Variants in MOB1B observed in about 807,000 individuals in gnomAD.
The protein encoded by MOB1B is MOB kinase activator 1B.
Under a neutral mutation model 24.4 loss-of-function variants are expected in MOB1B, and 19 were observed. That is an observed-to-expected ratio of 0.78 (90% CI 0.54 to 1.14). The LOEUF is 1.14. Ranked by LOEUF, MOB1B falls within the 50% of genes most tolerant of loss-of-function variation. MOB1B has a pLI of 0.00. For synonymous variants in MOB1B, 76 were observed against 82.1 expected, an observed-to-expected ratio of 0.93 and a Z score of 0.40; for missense variants, 243 against 259.6, an observed-to-expected ratio of 0.94 and a Z score of 0.44.
chr4:70,975,067 A>T (rs532595101), intron 3 of MOB1B, 86 bp from the exon 4 acceptor site: 20 of 984,528 alleles, frequency 2.0e-5, no homozygotes, highest in Non-Finnish European at 2.6e-5. Context: ...GTCTGTGTGT[A>T]CATTAGTAAT....
At chr4:70,962,769 T>C (rs1009929351) in intron 2 of MOB1B, among the ~76,000 whole-genome samples, 5 of 152,078 alleles carry the variant, frequency 3.3e-5, no homozygotes, top group Non-Finnish European at 7.4e-5. Context: ...GAGGCCACGG[T>C]GGGTGGATCA....
At chr4:70,967,618 A>G (rs1373198500) in intron 2 of MOB1B, among the ~76,000 whole-genome samples, 1 of 152,192 alleles carries the variant, frequency 6.6e-6, no homozygotes, top group East Asian at 1.9e-4. Flanking sequence ...ATTATTACTA[A>G]TAGATGAGTT....
chr4:70,954,323 T>G (rs895985517), intron 1 of MOB1B, among the ~76,000 whole-genome samples: 1 of 148,966 alleles, frequency 6.7e-6, no homozygotes, highest in Non-Finnish European at 1.5e-5. Flanking sequence ...TGTTTTGCTA[T>G]TTTTATTAGG....
chr4:70,973,321 T>C (rs1738841646), intron 3 of MOB1B, among the ~76,000 whole-genome samples: 1 of 151,768 alleles, frequency 6.6e-6, no homozygotes, highest in African/African-American at 2.4e-5. Flanking sequence ...AGAATAATGA[T>C]GGGCTGGGGA....
In MOB1B at chr4:70,975,283, A is replaced by G. The variant is rs1738937786; in HGVS notation, c.406A>G (p.Ile136Val). Residue 136 changes from isoleucine (I) to valine (V), a missense_variant, in exon 4 of 6, where the codon ATT (isoleucine) becomes GTT (valine). Coordinates refer to ENST00000309395, the MANE Select transcript of MOB1B (RefSeq NM_173468.4). ...TGATGAGACGTTATTTCCATCAAAA[A>G]TTGGTATAATTAATTTTTGTAAGGG... ...LDDETLFPSKIGVPFPKNFMS... is the reference protein window; with the variant it reads ...LDDETLFPSKVGVPFPKNFMS... The G allele has an allele frequency of 1.2e-6, 2 of 1,610,424 alleles. No homozygotes were observed. The highest frequency in any genetic ancestry group is 1.7e-6 in the Non-Finnish European group (2 of 1,179,012).
rs1315953917 is a variant in MOB1B, at chr4:70,983,582, C to G, written c.*1525C>G. ...CAGTTAGAAATATATATCCTTCCTT[C>G]AGTTGAAACATATACCTTTTTCACA... is the stretch of plus-strand genomic sequence containing the variant. On this transcript the variant is annotated 3_prime_UTR_variant, in exon 6 of 6. Coordinates refer to ENST00000309395, the MANE Select transcript of MOB1B (RefSeq NM_173468.4). The G allele has an allele frequency of 1.3e-5, 2 of 152,456 alleles. No homozygotes were observed. The highest frequency in any genetic ancestry group is 2.9e-5 in the Non-Finnish European group (2 of 67,962). The allele number at this position is 152,456 out of a possible 1,614,324, so 9.4% of individuals were successfully genotyped here. A position where few individuals can be genotyped will look rare whatever the true frequency, so the allele number is the denominator to read the frequency against.
At chr4:70,950,938 C>G (rs899427886) in intron 1 of MOB1B, 1 of 628,448 alleles carries the variant, frequency 1.6e-6, no homozygotes, top group Non-Finnish European at 2.9e-6. Context: ...GTAACAGTAA[C>G]TTCTTCGAGA....
intron 1 of MOB1B, among the ~76,000 whole-genome samples, chr4:70,915,397 T>C (rs1260684405): frequency 6.6e-6 from 1 of 152,230 alleles, no homozygotes; most frequent in African/African-American, 2.4e-5. Flanking sequence ...GGCCCGAGCA[T>C]AGGGGCTCAA....
chr4:70,976,659 A>T (rs1739009654), intron 4 of MOB1B: 1 of 966,034 alleles, frequency 1.0e-6, no homozygotes, highest in Non-Finnish European at 1.2e-6. Flanking sequence ...CAATATAAAT[A>T]GTTGTTGTTA....
intron 1 of MOB1B, among the ~76,000 whole-genome samples, chr4:70,903,617 G>A (rs1199316112): frequency 6.6e-6 from 1 of 152,154 alleles, no homozygotes; most frequent in Non-Finnish European, 1.5e-5. Context: ...GGAGAAATTA[G>A]CATTTAAAGG....
intron 2 of MOB1B, 149 bp from the exon 3 acceptor site, chr4:70,969,782 T>A: frequency 1.2e-4 from 46 of 395,958 alleles, no homozygotes; most frequent in Non-Finnish European, 1.4e-4. Flanking sequence ...AAGCTCCTCA[T>A]TTCAATGTAT....
At chr4:70,964,772 A>G (rs1738444352) in intron 2 of MOB1B, among the ~76,000 whole-genome samples, 1 of 151,958 alleles carries the variant, frequency 6.6e-6, no homozygotes. Context: ...TCTACTAAAA[A>G]TACAAAAATT....
At chr4:70,913,887 T>C (rs1736096722) in intron 1 of MOB1B, among the ~76,000 whole-genome samples, 1 of 149,572 alleles carries the variant, frequency 6.7e-6, no homozygotes, top group South Asian at 2.2e-4. Context: ...AATTTATTAG[T>C]TGGCAATTTT....
chr4:70,957,100 G>GTTT (rs572932916), intron 1 of MOB1B, among the ~76,000 whole-genome samples: 189 of 123,106 alleles, frequency 1.5e-3, no homozygotes, highest in African/African-American at 5.2e-3. Context: ...TTGTTTATGT[G>GTTT]TTTTTTTTTT....
intron 1 of MOB1B, among the ~76,000 whole-genome samples, chr4:70,953,064 G>C (rs943530428): frequency 7.4e-5 from 11 of 148,964 alleles, no homozygotes; most frequent in African/African-American, 2.7e-4. Flanking sequence ...TGCCTCAGCC[G>C]AGTAGCTGGG....
Position 70,982,192 on chromosome 4 carries a change from T to C in MOB1B, c.*135T>C. On this transcript the variant is annotated 3_prime_UTR_variant, in exon 6 of 6. Transcript: ENST00000309395. ...GCGGGGGCTTGTTTGGGTTCCTTTT[T>C]CTTTATTCTGATTATGTGAAACCAT... 1 of 591,900 alleles carries C rather than the reference T, an allele frequency of 1.7e-6. No homozygotes were observed. Among genetic ancestry groups the C allele is most frequent in the Non-Finnish European group, 2.9e-6 (1 of 339,118 alleles). The allele number at this position is 591,900 out of a possible 1,614,324, so 36.7% of individuals were successfully genotyped here.
chr4:70,918,064 C>A (rs914689590), intron 1 of MOB1B, among the ~76,000 whole-genome samples: 1 of 152,142 alleles, frequency 6.6e-6, no homozygotes, highest in South Asian at 2.1e-4. Flanking sequence ...ACATTATCCA[C>A]AAAAATATAT....
At chr4:70,925,153 C>T (rs1325217206) in intron 1 of MOB1B, among the ~76,000 whole-genome samples, 1 of 152,120 alleles carries the variant, frequency 6.6e-6, no homozygotes, top group Non-Finnish European at 1.5e-5. Context: ...AAGTGATTCT[C>T]CTGCCTCAGC....
At chr4:70,942,101 A>T (rs113872681) in intron 1 of MOB1B, among the ~76,000 whole-genome samples, 1 of 152,130 alleles carries the variant, frequency 6.6e-6, no homozygotes, top group African/African-American at 2.4e-5. Flanking sequence ...TTAATTACAC[A>T]TTGGTTAAAA....
Sources: gnomAD v4.1 joint callset for allele counts (sites outside exome capture counted in the v4.1 genomes callset) on GRCh38, gnomAD v4.1.1 for gene constraint, MANE v1.5 for transcripts, NCBI Gene and HGNC (gene_info 2026-07-23, HGNC 2026-07-21) for gene names.